SLC14A2: variants seen among roughly 807,000 people sequenced by gnomAD.
The protein encoded by SLC14A2 is urea transporter 2.
Under a neutral mutation model 104.6 loss-of-function variants are expected in SLC14A2, and 91 were observed. The observed-to-expected ratio is 0.87, with a 90% CI of 0.73 to 1.04. The LOEUF (loss-of-function observed/expected upper bound fraction) is 1.04. SLC14A2 is among the 50% of genes least tolerant of loss of function. The probability of loss-of-function intolerance (pLI) is 0.00; values close to 1 mark genes in which losing one functional copy is unlikely to be tolerated. For missense variants in SLC14A2, 1,189 were observed against 1,156.0 expected (o/e 1.03, Z -0.41); for synonymous variants, 476 against 466.4 (o/e 1.02, Z -0.27).
intron 1 of SLC14A2, among the ~76,000 whole-genome samples, chr18:45,383,238 T>C (rs2085857530): frequency 6.6e-6 from 1 of 152,216 alleles, no homozygotes; most frequent in South Asian, 2.1e-4. Flanking sequence ...CATAATCCCA[T>C]TCAGCTCCCA....
intron 1 of SLC14A2, among the ~76,000 whole-genome samples, chr18:45,315,236 G>A (rs1336362050): frequency 6.6e-6 from 1 of 152,142 alleles, no homozygotes; most frequent in Admixed American, 6.5e-5. Context: ...TTTCAGACAG[G>A]AGTGTCAAGA....
At chr18:45,656,015 A>G (rs1362918918) in intron 10 of SLC14A2, among the ~76,000 whole-genome samples, 1 of 152,226 alleles carries the variant, frequency 6.6e-6, no homozygotes. Context: ...CCTTCTGCCA[A>G]TGCTCAAACT....
intron 1 of SLC14A2, among the ~76,000 whole-genome samples, chr18:45,326,426 A>G (rs1479592902): frequency 6.6e-6 from 1 of 152,190 alleles, no homozygotes; most frequent in East Asian, 1.9e-4. Context: ...ATCAATATCT[A>G]AAATGTATAG....
At chr18:45,477,971 C>T (rs1040309363) in intron 1 of SLC14A2, among the ~76,000 whole-genome samples, 15 of 152,200 alleles carry the variant, frequency 9.9e-5, no homozygotes, top group African/African-American at 3.6e-4. Flanking sequence ...CTGGCTTCAG[C>T]CCCCTTTCCA....
chr18:45,529,511 C>CAT (rs1318254088), intron 2 of SLC14A2: 2 of 152,146 alleles, frequency 1.3e-5, no homozygotes, highest in Non-Finnish European at 2.9e-5. Context: ...AAGATCTCTG[C>CAT]ATATTATGCC....
At chr18:45,524,779 C>G (rs1364457227) in intron 2 of SLC14A2, among the ~76,000 whole-genome samples, 1 of 152,124 alleles carries the variant, frequency 6.6e-6, no homozygotes, top group Non-Finnish European at 1.5e-5. Flanking sequence ...CCTTATCTGG[C>G]CTCAGCTGCT....
intron 2 of SLC14A2, among the ~76,000 whole-genome samples, chr18:45,525,130 GACAC>G (rs5824592): frequency 2.1e-4 from 32 of 149,258 alleles, no homozygotes; most frequent in Non-Finnish European, 2.4e-4. Flanking sequence ...TTTGCATATA[GACAC>G]ACACACACAC....
the SLC14A2 span, chr18:45,179,825 A>G: frequency 1.3e-5 from 2 of 151,870 alleles, no homozygotes; most frequent in East Asian, 3.8e-4. Flanking sequence ...AGAACTTACA[A>G]ATGATAGGAA....
intron 1 of SLC14A2, among the ~76,000 whole-genome samples, chr18:45,431,961 A>G (rs1178563476): frequency 6.6e-6 from 1 of 152,138 alleles, no homozygotes; most frequent in African/African-American, 2.4e-5. Flanking sequence ...GTGATTTGAC[A>G]ATGGAAGGCA....
intron 2 of SLC14A2, among the ~76,000 whole-genome samples, chr18:45,605,416 C>T (rs2044852728): frequency 6.6e-6 from 1 of 152,084 alleles, no homozygotes; most frequent in Non-Finnish European, 1.5e-5. Context: ...CCCACTGACA[C>T]AAATCAGACT....
rs138752556 is a variant in SLC14A2 at position 45,437,733 on chromosome 18, C to T, written c.-124-45500C>T. 3.1e-3 allele frequency among the ~76,000 whole-genome samples: 469 copies of T among 152,320 alleles called. 2 individuals are homozygous for T. Among genetic ancestry groups the T allele is most frequent in the African/African-American group, 0.011 (447 of 41,572 alleles). ...TGTGTTGAGTGCTCACTATGTCGGA[C>T]GCTGTGCTAAGCACATCCTCGATGT... On this transcript the variant is annotated intron_variant, in intron 1 of 20. Transcript: ENST00000586448.
intron 1 of SLC14A2, among the ~76,000 whole-genome samples, chr18:45,310,051 C>T (rs2085063412): frequency 1.3e-5 from 2 of 151,928 alleles, no homozygotes; most frequent in Admixed American, 1.3e-4. Context: ...ATAATTCATG[C>T]TTTTCTATGG....
chr18:45,248,980 C>T (rs555613595), intron 1 of SLC14A2, among the ~76,000 whole-genome samples: 3 of 152,208 alleles, frequency 2.0e-5, no homozygotes, highest in African/African-American at 4.8e-5. Flanking sequence ...TTGCTGTCCA[C>T]GTTCCATAAT....
At chr18:45,597,148 T>C (rs1449089239) in intron 2 of SLC14A2, among the ~76,000 whole-genome samples, 1 of 152,124 alleles carries the variant, frequency 6.6e-6, no homozygotes, top group Non-Finnish European at 1.5e-5. Context: ...TAAAACATGG[T>C]AAACACCATC....
chr18:45,235,983 A>G (rs1271622773), intron 1 of SLC14A2, among the ~76,000 whole-genome samples: 9 of 70,066 alleles, frequency 1.3e-4, no homozygotes, highest in East Asian at 3.6e-4. Context: ...ATGTGTGTAT[A>G]TATGTGTATA....
chr18:45,563,066 G>T (rs370029401), intron 2 of SLC14A2, among the ~76,000 whole-genome samples: 1 of 152,218 alleles, frequency 6.6e-6, no homozygotes, highest in East Asian at 1.9e-4. Context: ...GGAAACGCAG[G>T]GGGGCTGGCA....
intron 1 of SLC14A2, among the ~76,000 whole-genome samples, chr18:45,344,437 T>G (rs1418500209): frequency 6.6e-6 from 1 of 152,186 alleles, no homozygotes; most frequent in Non-Finnish European, 1.5e-5. Context: ...ACACCCTTAG[T>G]TTTGATAATT....
chr18:45,668,540 C>T, intron 15 of SLC14A2, 63 bp downstream of exon 15: 16 of 1,576,358 alleles, frequency 1.0e-5, no homozygotes, highest in Non-Finnish European at 1.4e-5. Context: ...TCATCCCAAT[C>T]CCATGACCGT....
At chr18:45,549,571 G>A (rs2044026541) in intron 2 of SLC14A2, among the ~76,000 whole-genome samples, 3 of 152,214 alleles carry the variant, frequency 2.0e-5, no homozygotes, top group African/African-American at 7.2e-5. Context: ...CCAGTGGAGT[G>A]CAGGTAATTT....
Sources: allele counts gnomAD v4.1 joint callset (sites outside exome capture counted in the v4.1 genomes callset), GRCh38; gene constraint gnomAD v4.1.1; transcripts MANE v1.5; gene names NCBI Gene and HGNC (gene_info 2026-07-23, HGNC 2026-07-21).